The following ATE1 variants were observed in gnomAD, a reference collection of about 807,000 sequenced individuals.
ATE1 encodes the protein arginyl-tRNA--protein transferase 1.
Under a neutral mutation model 70.5 loss-of-function variants are expected in ATE1, and 36 were observed. That is an observed-to-expected ratio of 0.51 (90% CI 0.39 to 0.67). ATE1 has a LOEUF of 0.67. ATE1 is among the 30% of genes least tolerant of loss of function. The pLI is 0.00. For missense variants in ATE1, 593 were observed against 629.5 expected, an observed-to-expected ratio of 0.94 and a Z score of 0.62; for synonymous variants, 232 against 219.3, an observed-to-expected ratio of 1.06 and a Z score of -0.51.
At chr10:121,788,595 C>T (rs1946306685) in intron 11 of ATE1, among the ~76,000 whole-genome samples, 2 of 152,346 alleles carry the variant, frequency 1.3e-5, no homozygotes, top group East Asian at 1.9e-4. Context: ...GTTACTGCGT[C>T]CCTTTCCCCA....
At chr10:121,752,074 G>A (rs1944604815) in intron 11 of ATE1, among the ~76,000 whole-genome samples, 1 of 151,054 alleles carries the variant, frequency 6.6e-6, no homozygotes, top group African/African-American at 2.4e-5. Context: ...GCGGCCGCCT[G>A]TAGTCCCAGC....
intron 11 of ATE1, among the ~76,000 whole-genome samples, chr10:121,786,814 T>G (rs952258035): frequency 2.6e-5 from 4 of 152,156 alleles, no homozygotes; most frequent in African/African-American, 7.2e-5. Flanking sequence ...ATGCAGAATA[T>G]TCTCGTTTAG....
intron 5 of ATE1, among the ~76,000 whole-genome samples, chr10:121,908,325 T>G (rs561879956): frequency 6.6e-6 from 1 of 152,118 alleles, no homozygotes; most frequent in East Asian, 1.9e-4. Context: ...CCAACATGGC[T>G]AAACCCCGTC....
chr10:121,792,941 C>T (rs969597670), intron 10 of ATE1, among the ~76,000 whole-genome samples: 1 of 151,940 alleles, frequency 6.6e-6, no homozygotes, highest in Non-Finnish European at 1.5e-5. Context: ...ACTATACTTC[C>T]TCAAAATTAT....
chr10:121,869,277 G>T (rs775416155), intron 8 of ATE1, among the ~76,000 whole-genome samples: 1 of 152,158 alleles, frequency 6.6e-6, no homozygotes, highest in Non-Finnish European at 1.5e-5. Context: ...GGTCTTACCC[G>T]GTTTCGGTTC....
intron 1 of ATE1, chr10:121,927,372 G>T: frequency 1.0e-6 from 1 of 984,666 alleles, no homozygotes; most frequent in African/African-American, 1.8e-5. Flanking sequence ...AGATGCAAAG[G>T]GCTCATCCTT....
intron 11 of ATE1, among the ~76,000 whole-genome samples, chr10:121,747,478 T>C (rs1057041395): frequency 1.3e-5 from 2 of 152,190 alleles, no homozygotes; most frequent in African/African-American, 2.4e-5. Flanking sequence ...ATGGCTCTGC[T>C]TTTTGGAAGC....
chr10:121,843,842 A>G (rs573504979), intron 8 of ATE1, among the ~76,000 whole-genome samples: 1 of 152,330 alleles, frequency 6.6e-6, no homozygotes, highest in South Asian at 2.1e-4. Flanking sequence ...ATGATAATAT[A>G]AAAGAAAATC....
chr10:121,795,116 T>TA lies in ATE1; in HGVS notation c.1258-4828dup, dbSNP rs546227039. On this transcript the variant is annotated intron_variant, in intron 10 of 11. Transcript: ENST00000224652. ...TATAAAAGTTAGCCGGGCATGGTGATACGTGCCTATAATCCCAGCTCCTCT... is the reference window on the plus strand; with the variant it reads ...TATAAAAGTTAGCCGGGCATGGTGATAACGTGCCTATAATCCCAGCTCCTCT... Among the ~76,000 whole-genome samples the TA allele has an allele frequency of 2.1e-3, 313 of 152,202 alleles. 2 individuals carry two copies. Among genetic ancestry groups the TA allele is most frequent in the Admixed American group, 0.015 (236 of 15,286 alleles).
chr10:121,768,088 A>T (rs1201778762), intron 11 of ATE1, among the ~76,000 whole-genome samples: 1 of 152,224 alleles, frequency 6.6e-6, no homozygotes, highest in Admixed American at 6.5e-5. Context: ...AGTGAAATAA[A>T]CCAGTCACAA....
rs775995416 is a variant in ATE1 at position 121,841,094 on chromosome 10, T to C, written c.1145A>G (p.Tyr382Cys). 3 of 1,562,204 alleles carry C rather than the reference T, an allele frequency of 1.9e-6. No homozygotes were observed. The highest frequency in any genetic ancestry group is 2.3e-5 in the East Asian group (1 of 43,496). The change falls in exon 9 of 12, where the codon TAC becomes TGC. Residue 382 changes from tyrosine to cysteine, a missense_variant. Around this residue, in one of 3 missense-constraint regions of ATE1, gnomAD observed 467 missense variants for 469.6 expected, o/e 0.99. Transcript: ENST00000224652. ...PDYSFLSLGV[Y>C]SALREIAFTR... Reference sequence around the variant, plus strand: ...AAAGCAATCTTACCGTAGTGCAGAGTAGACGCCCAAAGACAAAAACGAATA... The same window carrying C: ...AAAGCAATCTTACCGTAGTGCAGAGCAGACGCCCAAAGACAAAAACGAATA...
chr10:121,842,808 C>T (rs1482608985), intron 8 of ATE1, among the ~76,000 whole-genome samples: 1 of 152,110 alleles, frequency 6.6e-6, no homozygotes, highest in Non-Finnish European at 1.5e-5. Context: ...AACACCTATT[C>T]ATGACTAATC....
intron 10 of ATE1, among the ~76,000 whole-genome samples, chr10:121,811,730 T>A (rs1257370232): frequency 6.6e-6 from 1 of 152,186 alleles, no homozygotes; most frequent in Non-Finnish European, 1.5e-5. Context: ...AATGAATTTA[T>A]CTGATTTAAT....
At chr10:121,859,430 G>C (rs1949388157) in intron 8 of ATE1, among the ~76,000 whole-genome samples, 1 of 151,366 alleles carries the variant, frequency 6.6e-6, no homozygotes, top group African/African-American at 2.4e-5. Flanking sequence ...CTAATTTTTT[G>C]TATTTTTAGT....
intron 10 of ATE1, among the ~76,000 whole-genome samples, chr10:121,800,111 AT>A (rs1420677719): frequency 2.0e-5 from 3 of 152,196 alleles, no homozygotes; most frequent in African/African-American, 7.2e-5. Context: ...GTGAAGCCCT[AT>A]GTATTCAGAA....
chr10:121,914,408 A>G (rs990188484), intron 3 of ATE1, among the ~76,000 whole-genome samples: 1 of 151,708 alleles, frequency 6.6e-6, no homozygotes, highest in Non-Finnish European at 1.5e-5. Context: ...ATAAAACACT[A>G]GAAAAAAGAG....
intron 8 of ATE1, among the ~76,000 whole-genome samples, chr10:121,847,862 G>C (rs985967945): frequency 6.6e-5 from 10 of 151,256 alleles, no homozygotes; most frequent in African/African-American, 2.4e-4. Flanking sequence ...ATGAGCTCAG[G>C]AGATCGAGAC....
chr10:121,832,762 C>T (rs543474369), intron 10 of ATE1, among the ~76,000 whole-genome samples: 66 of 152,266 alleles, frequency 4.3e-4, no homozygotes, highest in Middle Eastern at 3.4e-3. Context: ...AGCGTGAAAA[C>T]GGACTAATAC....
chr10:121,761,488 T>C (rs1378461205), intron 11 of ATE1, among the ~76,000 whole-genome samples: 2 of 152,164 alleles, frequency 1.3e-5, no homozygotes, highest in African/African-American at 4.8e-5. Flanking sequence ...AACATAATGC[T>C]ATTGTGCACT....
Sources: allele counts gnomAD v4.1 joint callset (sites outside exome capture counted in the v4.1 genomes callset), GRCh38; gene constraint gnomAD v4.1.1; regional missense constraint gnomAD v4.1.1; transcripts MANE v1.5; gene names NCBI Gene and HGNC (gene_info 2026-07-23, HGNC 2026-07-21).